PCDHGB1: variants seen among roughly 807,000 people sequenced by gnomAD.
The protein encoded by PCDHGB1 is protocadherin gamma-B1.
In PCDHGB1, 34 loss-of-function variants were observed where a neutral mutation model predicts 56.6. The observed-to-expected ratio is 0.60, with a 90% CI of 0.46 to 0.80. The LOEUF is 0.80. PCDHGB1 is among the 30% of genes least tolerant of loss of function. PCDHGB1 has a pLI of 0.00. For missense variants in PCDHGB1, 1,278 were observed against 1,204.6 expected, an observed-to-expected ratio of 1.06 and a Z score of -0.90; for synonymous variants, 561 against 505.9, an observed-to-expected ratio of 1.11 and a Z score of -1.46.
intron 1 of PCDHGB1, among the ~76,000 whole-genome samples, chr5:141,449,560 GC>G (rs1487612909): frequency 6.9e-6 from 1 of 145,056 alleles, no homozygotes; most frequent in Non-Finnish European, 1.5e-5. Flanking sequence ...CTGCACTCCA[GC>G]CTGGGCGACA....
At chr5:141,362,603 C>T (rs749234036) in intron 1 of PCDHGB1, 1 of 1,572,606 alleles carries the variant, frequency 6.4e-7, no homozygotes, top group South Asian at 1.2e-5. Flanking sequence ...ATTGTTTCAC[C>T]TAATTTGGGT....
At chr5:141,375,991 C>G in intron 1 of PCDHGB1, 1 of 1,613,448 alleles carries the variant, frequency 6.2e-7, no homozygotes, top group Non-Finnish European at 8.5e-7. Context: ...TGGACAGAGA[C>G]GCGCTCAAGC....
chr5:141,423,067 G>A (rs757110751), intron 1 of PCDHGB1: 10 of 1,614,024 alleles, frequency 6.2e-6, no homozygotes, highest in South Asian at 5.5e-5. Context: ...TAAGGCCAGC[G>A]AGCCGGGACT....
intron 1 of PCDHGB1, chr5:141,384,729 G>A: frequency 6.2e-7 from 1 of 1,614,122 alleles, no homozygotes; most frequent in Non-Finnish European, 8.5e-7. Context: ...TCCTGCTTAA[G>A]GCCAGCGAGC....
Position 141,432,390 on chromosome 5 carries a change from G to A in PCDHGB1, c.2410-62417G>A. The A allele has an allele frequency of 6.2e-7, 1 of 1,614,256 alleles. No homozygotes were observed. The highest frequency in any genetic ancestry group is 8.5e-7 in the Non-Finnish European group (1 of 1,180,046). On this transcript the variant is annotated intron_variant, in intron 1 of 3. Transcript: ENST00000523390. This position sits in a 1 kb window ranked among gnomAD's most constrained non-coding sequence, Gnocchi z 6.0. ...GACAACGGGCACCCGCCCCTCAGCA[G>A]CAACGTGTCGTTGAGCCTGTTCGTG... is the stretch of plus-strand genomic sequence containing the variant.
chr5:141,373,370 G>T (rs1448314999), intron 1 of PCDHGB1, among the ~76,000 whole-genome samples: 1 of 152,164 alleles, frequency 6.6e-6, no homozygotes, highest in African/African-American at 2.4e-5. Context: ...TAATGAATTG[G>T]TTCAAAATGT....
In PCDHGB1 at chr5:141,477,073, G is replaced by A. The variant is rs755445666; in HGVS notation, c.2410-17734G>A. The A allele has an allele frequency of 1.2e-6, 2 of 1,614,264 alleles. No homozygotes were observed. The highest frequency in any genetic ancestry group is 2.2e-5 in the East Asian group (1 of 44,882). On this transcript the variant is annotated intron_variant, in intron 1 of 3. Coordinates refer to ENST00000523390, the MANE Select transcript of PCDHGB1 (RefSeq NM_018922.3). This position sits in a 1 kb window ranked among gnomAD's most constrained non-coding sequence, Gnocchi z 4.9. ...ACTTCGAGGACACCAAACTCCATGA[G>A]ATTTACATCCAGGCCAAAGACAAGG...
rs774366625 is a variant in PCDHGB1, at chr5:141,384,613, T to A, written c.2409+31944T>A. On this transcript the variant is annotated intron_variant, in intron 1 of 3. Coordinates refer to ENST00000523390, the MANE Select transcript of PCDHGB1 (RefSeq NM_018922.3). ...GTACCCGGCCCTCCCCACAGATGGTTCTACTGGCATGGAGCTGGCACCCCG... is the reference window on the plus strand; with the variant it reads ...GTACCCGGCCCTCCCCACAGATGGTACTACTGGCATGGAGCTGGCACCCCG... The A allele has an allele frequency of 9.9e-6, 16 of 1,614,202 alleles. No homozygotes were observed. The Admixed American group carries it at 2.7e-4, about 27-fold the overall frequency.
chr5:141,490,869 A>G lies in PCDHGB1; in HGVS notation c.2410-3938A>G, dbSNP rs764138126. ...GGGTTCGAGACTCCGGCTCTCCCCCATTGCATGCCAACACATCTCTGCATG... is the reference window on the plus strand; with the variant it reads ...GGGTTCGAGACTCCGGCTCTCCCCCGTTGCATGCCAACACATCTCTGCATG... On this transcript the variant is annotated intron_variant, in intron 1 of 3. Transcript: ENST00000523390. This position sits in a 1 kb window ranked among gnomAD's most constrained non-coding sequence, Gnocchi z 5.4. 4.3e-6 allele frequency: 7 copies of G among 1,613,784 alleles called. No homozygotes were observed. The highest frequency in any genetic ancestry group is 1.7e-5 in the Admixed American group (1 of 60,004).
intron 1 of PCDHGB1, among the ~76,000 whole-genome samples, chr5:141,448,706 C>T (rs1344013319): frequency 1.3e-5 from 2 of 151,730 alleles, no homozygotes; most frequent in African/African-American, 2.4e-5. Flanking sequence ...TTTGGGAGGC[C>T]GAGGCGGGAG....
intron 1 of PCDHGB1, among the ~76,000 whole-genome samples, chr5:141,472,131 A>C (rs565506002): frequency 6.6e-6 from 1 of 152,264 alleles, no homozygotes; most frequent in Non-Finnish European, 1.5e-5. Flanking sequence ...AGAGAAGTTA[A>C]AAATAAAAGT....
chr5:141,411,536 A>G (rs1333872781), intron 1 of PCDHGB1: 1 of 152,248 alleles, frequency 6.6e-6, no homozygotes, highest in Admixed American at 6.5e-5. Context: ...GTGAGCCCTG[A>G]TCTTGCCACT....
intron 3 of PCDHGB1, among the ~76,000 whole-genome samples, chr5:141,510,204 C>T (rs1403130911): frequency 1.3e-5 from 2 of 150,304 alleles, no homozygotes; most frequent in Admixed American, 1.3e-4. Flanking sequence ...GCCCAGGAGG[C>T]AGAGGTTGCA....
intron 1 of PCDHGB1, chr5:141,364,436 C>T: frequency 6.2e-7 from 1 of 1,613,758 alleles, no homozygotes; most frequent in Non-Finnish European, 8.5e-7. Context: ...CTACTCGATG[C>T]CGGAGGAGCT....
chr5:141,353,363 G>T (rs912033510), intron 1 of PCDHGB1, among the ~76,000 whole-genome samples: 7 of 152,124 alleles, frequency 4.6e-5, no homozygotes, highest in African/African-American at 1.7e-4. Flanking sequence ...TTATGTAATT[G>T]ATGTAATTAT....
chr5:141,444,475 A>C (rs572738630), intron 1 of PCDHGB1, among the ~76,000 whole-genome samples: 2 of 152,110 alleles, frequency 1.3e-5, no homozygotes, highest in East Asian at 3.9e-4. Context: ...CCGGTCGCGT[A>C]CTGGATTTAT....
chr5:141,362,067 C>T (rs1762309889), intron 1 of PCDHGB1: 3 of 1,612,358 alleles, frequency 1.9e-6, no homozygotes, highest in East Asian at 4.5e-5. Context: ...GCCTGCTGGT[C>T]GCTGTGCGTG....
chr5:141,501,290 T>TACACATAC (rs1224133816), intron 2 of PCDHGB1, among the ~76,000 whole-genome samples: 1,510 of 136,196 alleles, frequency 0.011, 8 homozygotes, highest in Admixed American at 0.014. Flanking sequence ...TATTCCCTTA[T>TACACATAC]ACACACACAC....
chr5:141,372,028 A>G (rs1367060313), intron 1 of PCDHGB1: 2 of 1,613,362 alleles, frequency 1.2e-6, no homozygotes, highest in South Asian at 1.1e-5. Flanking sequence ...CTCAGCGCCA[A>G]CGTGAGCCTG....
Sources: gnomAD v4.1 joint callset for allele counts (sites outside exome capture counted in the v4.1 genomes callset) on GRCh38, gnomAD v4.1.1 for gene constraint, Gnocchi (gnomAD v3.1) non-coding constraint, MANE v1.5 for transcripts, NCBI Gene and HGNC (gene_info 2026-07-23, HGNC 2026-07-21) for gene names.